ARIH1: variants seen among roughly 807,000 people sequenced by gnomAD.
ARIH1 encodes the protein E3 ubiquitin-protein ligase ARIH1.
Under a neutral mutation model 85.0 loss-of-function variants are expected in ARIH1, and 8 were observed. The observed-to-expected ratio is 0.09, with a 90% confidence interval of 0.06 to 0.17. The LOEUF is 0.17. Among genes scored for constraint, ARIH1 ranks in the 10% least tolerant of loss-of-function variants. ARIH1 has a pLI of 1.00. For missense variants in ARIH1, 311 were observed against 718.1 expected (o/e 0.43, Z 6.48); for synonymous variants, 238 against 253.6 (o/e 0.94, Z 0.59).
intron 2 of ARIH1, among the ~76,000 whole-genome samples, chr15:72,528,223 C>T (rs1407227480): frequency 6.6e-6 from 1 of 152,168 alleles, no homozygotes; most frequent in African/African-American, 2.4e-5. Context: ...GGATGAAATA[C>T]AGGTGGTTGA....
Position 72,588,454 on chromosome 15 carries a change from T to C in ARIH1, c.*5162T>C, listed in dbSNP as rs1378458780. 1 of 152,242 alleles carries C rather than the reference T, an allele frequency of 6.6e-6. No individual in the cohort carries two copies. The highest frequency in any genetic ancestry group is 2.4e-5 in the African/African-American group (1 of 41,464). 9.4% of individuals were successfully genotyped at this position (152,242 alleles called of 1,614,324 possible). A position where few individuals can be genotyped will look rare whatever the true frequency, so the allele number is the denominator to read the frequency against. On this transcript the variant is annotated 3_prime_UTR_variant, in exon 14 of 14. Transcript: ENST00000379887. ...TTTAATTGCTTTGGGTAGGCATCAG[T>C]AATTTTTGTAAAGCCCTTTACGCAT...
rs1321589219 is a variant in ARIH1 at position 72,506,354 on chromosome 15, A to AAAAAAAAAAAAG, written c.376-11698_376-11687dup. Among the ~76,000 whole-genome samples the AAAAAAAAAAAAG allele has an allele frequency of 2.3e-4, 34 of 148,290 alleles. 1 individual carries two copies. Among genetic ancestry groups the AAAAAAAAAAAAG allele is most frequent in the African/African-American group, 2.9e-4 (12 of 40,796 alleles). On this transcript the variant is annotated intron_variant, in intron 1 of 13. Coordinates refer to ENST00000379887, the MANE Select transcript of ARIH1 (RefSeq NM_005744.5). ...GACAGAGCAAGACTCCGTCTCACAA[A>AAAAAAAAAAAAG]AAAAAAAAAAAGAAAAAAAAAAAGA...
At chr15:72,510,391 C>T (rs1037930461) in intron 1 of ARIH1, among the ~76,000 whole-genome samples, 1 of 152,046 alleles carries the variant, frequency 6.6e-6, no homozygotes, top group African/African-American at 2.4e-5. Context: ...TTAAGTTTTA[C>T]AGTCTGATTT....
intron 11 of ARIH1, among the ~76,000 whole-genome samples, chr15:72,579,393 C>G (rs1855426917): frequency 6.6e-6 from 1 of 152,146 alleles, no homozygotes; most frequent in African/African-American, 2.4e-5. Context: ...GCCCAGAATA[C>G]TTAATTGATT....
At chr15:72,527,504 C>G (rs908844251) in intron 2 of ARIH1, among the ~76,000 whole-genome samples, 1 of 146,654 alleles carries the variant, frequency 6.8e-6, no homozygotes, top group Non-Finnish European at 1.5e-5. Flanking sequence ...ACCTTGCTAG[C>G]TTTTTTTTTT....
At chr15:72,494,438 A>C (rs368222219) in intron 1 of ARIH1, among the ~76,000 whole-genome samples, 1 of 152,092 alleles carries the variant, frequency 6.6e-6, no homozygotes, top group African/African-American at 2.4e-5. Context: ...CAGACAAAGG[A>C]GGAAGAGGAA....
chr15:72,597,490 C>T lies in ARIH1; in HGVS notation c.*14198C>T, dbSNP rs2064367641. On this transcript the variant is annotated 3_prime_UTR_variant, in exon 14 of 14. Coordinates refer to ENST00000379887, the MANE Select transcript of ARIH1 (RefSeq NM_005744.5). The stretch of plus-strand genomic sequence containing the variant: ...GATCTTTCTCAGCTCTCATGTGTGC[C>T]CTGCCCTTTTGTAGAGGAATGCCCA... The T allele has an allele frequency of 1.3e-5, 2 of 151,926 alleles. No homozygotes were observed. Among genetic ancestry groups the T allele is most frequent in the East Asian group, 3.9e-4 (2 of 5,184 alleles). 9.4% of individuals were successfully genotyped at this position (151,926 alleles called of 1,614,324 possible).
At chr15:72,517,003 T>C (rs2063977916) in intron 1 of ARIH1, among the ~76,000 whole-genome samples, 4 of 152,306 alleles carry the variant, frequency 2.6e-5, no homozygotes, top group Middle Eastern at 6.8e-3. Flanking sequence ...CCCCGTTGCA[T>C]TTTGAGTTAA....
intron 1 of ARIH1, among the ~76,000 whole-genome samples, chr15:72,484,712 CGTATAT>C (rs2063830402): frequency 6.7e-6 from 1 of 148,300 alleles, no homozygotes; most frequent in African/African-American, 2.5e-5. Context: ...TACGTATATA[CGTATAT>C]GTATGTGTGT....
chr15:72,492,614 A>G (rs866589275), intron 1 of ARIH1, among the ~76,000 whole-genome samples: 1 of 152,234 alleles, frequency 6.6e-6, no homozygotes, highest in African/African-American at 2.4e-5. Context: ...ACGTATGTAC[A>G]TAATTTTAGT....
rs993995460 is a variant in ARIH1 at position 72,591,889 on chromosome 15, A to G, written c.*8597A>G. On this transcript the variant is annotated 3_prime_UTR_variant, in exon 14 of 14. Transcript: ENST00000379887. ...TTTCTATCTAACTAGGGAAAGCACT[A>G]AAGAGTTTTCCAATAAGGAAGAATG... 6 of 152,176 alleles carry G rather than the reference A, an allele frequency of 3.9e-5. No individual in the cohort carries two copies. Among genetic ancestry groups the G allele is most frequent in the African/African-American group, 7.2e-5 (3 of 41,442 alleles). 9.4% of individuals were successfully genotyped at this position (152,176 alleles called of 1,614,324 possible).
intron 2 of ARIH1, among the ~76,000 whole-genome samples, chr15:72,523,431 G>T (rs1292135222): frequency 6.6e-6 from 1 of 151,766 alleles, no homozygotes; most frequent in Non-Finnish European, 1.5e-5. Flanking sequence ...TGACACTCTG[G>T]AAAAGGCAAA....
chr15:72,474,634 C>A lies in ARIH1; in HGVS notation c.-6C>A. 6.6e-7 allele frequency: 1 copy of A among 1,517,352 alleles called. No homozygotes were observed. The allele number at this position is 1,517,352 out of a possible 1,614,324, so 94.0% of individuals were successfully genotyped here. On this transcript the variant is annotated 5_prime_UTR_variant, in exon 1 of 14. Transcript: ENST00000379887. ...CAGCGTCCGCCGGGCCCCCGCGCGT[C>A]GCGCCATGGACTCGGACGAGGGCTA...
intron 1 of ARIH1, among the ~76,000 whole-genome samples, chr15:72,511,533 C>T (rs2063950503): frequency 6.6e-6 from 1 of 152,028 alleles, no homozygotes; most frequent in Non-Finnish European, 1.5e-5. Context: ...TTGAACTCCT[C>T]ACCTCAGGTG....
At chr15:72,519,455 A>G (rs1198500832) in intron 2 of ARIH1, among the ~76,000 whole-genome samples, 1 of 126,654 alleles carries the variant, frequency 7.9e-6, no homozygotes, top group Non-Finnish European at 1.7e-5. Flanking sequence ...CTTTTTATGC[A>G]TTCTGACCAT....
chr15:72,567,790 A>G (rs868185507), intron 9 of ARIH1, among the ~76,000 whole-genome samples: 1 of 152,156 alleles, frequency 6.6e-6, no homozygotes, highest in African/African-American at 2.4e-5. Context: ...GTCCTATCCT[A>G]TCCCCATAGT....
At chr15:72,573,622 C>A (rs940377430) in intron 11 of ARIH1, among the ~76,000 whole-genome samples, 9 of 151,904 alleles carry the variant, frequency 5.9e-5, no homozygotes, top group Admixed American at 3.9e-4. Context: ...GTTTCACAGA[C>A]CTTCACAATG....
Position 72,484,003 on chromosome 15 carries a change from T to C in ARIH1, c.375+8989T>C, listed in dbSNP as rs527967326. Among the ~76,000 whole-genome samples, 78 of 150,130 alleles carry C rather than the reference T, an allele frequency of 5.2e-4. No homozygotes were observed. In the South Asian group the frequency reaches 0.016, roughly 31 times the overall value. On this transcript the variant is annotated intron_variant, in intron 1 of 13. Transcript: ENST00000379887. ...CCTGGCCAAATGGCGAAACCCCGTC[T>C]CTACTAAAAAAATACAAAAATTAGC...
At chr15:72,504,050 CTTTA>C (rs993945381) in intron 1 of ARIH1, among the ~76,000 whole-genome samples, 2 of 152,114 alleles carry the variant, frequency 1.3e-5, no homozygotes, top group Non-Finnish European at 2.9e-5. Context: ...GTGTGATAGC[CTTTA>C]TTTATTTATT....
Sources: allele counts gnomAD v4.1 joint callset (sites outside exome capture counted in the v4.1 genomes callset), GRCh38; gene constraint gnomAD v4.1.1; transcripts MANE v1.5; gene names NCBI Gene and HGNC (gene_info 2026-07-23, HGNC 2026-07-21).